The following MAST2 variants were observed in gnomAD, a reference collection of about 807,000 sequenced individuals.
MAST2 encodes microtubule-associated serine/threonine-protein kinase 2.
Under a neutral mutation model 147.4 loss-of-function variants are expected in MAST2, and 70 were observed. That is an observed-to-expected ratio of 0.47 (90% CI 0.39 to 0.58). The LOEUF (loss-of-function observed/expected upper bound fraction) is 0.58. Ranked by LOEUF, MAST2 falls within the 20% of genes least tolerant of loss-of-function variation. MAST2 has a pLI of 0.00. For synonymous variants in MAST2, 869 were observed against 896.8 expected (o/e 0.97, Z 0.55); for missense variants, 2,080 against 2,302.3 (o/e 0.90, Z 1.98).
chr1:45,913,745 T>C, intron 4 of MAST2: 6 of 1,023,144 alleles, frequency 5.9e-6, no homozygotes, highest in Non-Finnish European at 7.1e-6. Context: ...TAATTTCCTT[T>C]GGCTGACAGA....
At chr1:45,938,604 G>A (rs980619778) in intron 4 of MAST2, among the ~76,000 whole-genome samples, 5 of 152,156 alleles carry the variant, frequency 3.3e-5, no homozygotes, top group African/African-American at 9.7e-5. Context: ...CAAGATTACA[G>A]GTGTCAGCCA....
chr1:45,946,053 C>T (rs2148827651), intron 4 of MAST2, among the ~76,000 whole-genome samples: 1 of 152,342 alleles, frequency 6.6e-6, no homozygotes, highest in African/African-American at 2.4e-5. Context: ...TCTCCCTTTC[C>T]TTAATTCTCC....
In MAST2 at chr1:45,955,939, A is replaced by G. The variant is rs148520382; in HGVS notation, c.501-3447A>G. Among the ~76,000 whole-genome samples the G allele has an allele frequency of 9.8e-5, 15 of 152,312 alleles. 1 individual carries two copies. The East Asian group carries it at 2.5e-3, about 25-fold the overall frequency. On this transcript the variant is annotated intron_variant, in intron 4 of 28. Transcript: ENST00000361297. ...GTATGATTGGAATATAATAGATTGT[A>G]TGACTGTGATAATGAACATGAAGAT...
rs550538292 is a variant in MAST2, at chr1:45,822,887, A to G, written c.178-1546A>G. On this transcript the variant is annotated intron_variant, in intron 1 of 28. Coordinates refer to ENST00000361297, the MANE Select transcript of MAST2 (RefSeq NM_015112.3). ...TGCAAATACAAGCTGTTCCCTTGCT[A>G]CCTTCTGTTTTTGCATTAAGTTCTA... Among the ~76,000 whole-genome samples, 8 of 152,204 alleles carry G rather than the reference A, an allele frequency of 5.3e-5. No individual in the cohort carries two copies. In the South Asian group the frequency reaches 1.5e-3, roughly 28 times the overall value.
chr1:45,975,830 T>C (rs1644129466), intron 5 of MAST2, among the ~76,000 whole-genome samples: 1 of 152,076 alleles, frequency 6.6e-6, no homozygotes, highest in Non-Finnish European at 1.5e-5. Context: ...TGGCATGGAC[T>C]CTTTTTTACC....
At chr1:45,881,810 T>C (rs1343634120) in intron 3 of MAST2, among the ~76,000 whole-genome samples, 1 of 151,816 alleles carries the variant, frequency 6.6e-6, no homozygotes, top group African/African-American at 2.4e-5. Context: ...TTGCATGTAT[T>C]CTATGAGACA....
At chr1:45,947,407 T>C (rs539309668) in intron 4 of MAST2, among the ~76,000 whole-genome samples, 50 of 151,990 alleles carry the variant, frequency 3.3e-4, no homozygotes, top group South Asian at 6.3e-4. Context: ...CTGGACTGCA[T>C]GTGGCCTGTG....
intron 2 of MAST2, among the ~76,000 whole-genome samples, chr1:45,827,642 C>CCAT (rs1403319764): frequency 6.8e-6 from 1 of 147,562 alleles, no homozygotes; most frequent in Non-Finnish European, 1.5e-5. Context: ...GAGCAGAACA[C>CCAT]CATCATCATC....
chr1:45,963,497 T>A (rs940154165), intron 5 of MAST2, among the ~76,000 whole-genome samples: 90 of 152,224 alleles, frequency 5.9e-4, no homozygotes, highest in African/African-American at 2.1e-3. Context: ...TAAGTTGGAT[T>A]CCTTGGTATT....
intron 9 of MAST2, among the ~76,000 whole-genome samples, chr1:46,010,074 A>G (rs1162384363): frequency 1.3e-5 from 2 of 152,134 alleles, no homozygotes; most frequent in Non-Finnish European, 2.9e-5. Flanking sequence ...CCAACTCACC[A>G]TCTGTGACCA....
intron 5 of MAST2, among the ~76,000 whole-genome samples, chr1:45,962,540 C>T (rs1466468896): frequency 1.3e-5 from 2 of 152,302 alleles, no homozygotes; most frequent in East Asian, 3.9e-4. Context: ...AGCATTTTTT[C>T]ATGTGTCTGT....
At chr1:45,963,198 G>A (rs1394755635) in intron 5 of MAST2, among the ~76,000 whole-genome samples, 1 of 152,188 alleles carries the variant, frequency 6.6e-6, no homozygotes, top group Non-Finnish European at 1.5e-5. Flanking sequence ...CAGATAGCCT[G>A]ATGCCTCCAG....
Position 46,029,919 on chromosome 1 carries a change from G to A in MAST2, c.2409G>A (p.Gln803=), listed in dbSNP as rs372606717. 4 of 1,614,104 alleles carry A rather than the reference G, an allele frequency of 2.5e-6. No homozygotes were observed. In the African/African-American group the frequency reaches 4.0e-5, roughly 16 times the overall value. The change falls in exon 20 of 29, where the codon CAG becomes CAA. Residue 803 remains glutamine, a synonymous_variant. Transcript: ENST00000361297. ...GCCAGAAGGCTGAATTTATTCCTCAGTTGGAGTCAGAGGATGATACTAGCT... is the reference window on the plus strand; with the variant it reads ...GCCAGAAGGCTGAATTTATTCCTCAATTGGAGTCAGAGGATGATACTAGCT... ...LLRQKAEFIP[Q]LESEDDTSYF... is the part of the protein sequence containing the mutation.
At chr1:46,021,880 G>A (rs2275426) in intron 11 of MAST2, 70 bp from the exon 12 acceptor site, 682,688 of 1,536,424 alleles carry the variant, frequency 0.44, 153,473 homozygotes, top group East Asian at 0.64. Context: ...ACTATATGCT[G>A]TAAAACCAAA....
chr1:45,845,240 CATT>C (rs1645394569), intron 3 of MAST2, among the ~76,000 whole-genome samples: 1 of 152,140 alleles, frequency 6.6e-6, no homozygotes, highest in Non-Finnish European at 1.5e-5. Flanking sequence ...AGGAGAACGG[CATT>C]ATTAAACCAC....
In MAST2 at chr1:46,035,264, G is replaced by A. The variant is rs1013207074; in HGVS notation, c.4595G>A (p.Ser1532Asn). 5.0e-6 allele frequency: 8 copies of A among 1,613,876 alleles called. No individual in the cohort carries two copies. The African/African-American group carries it at 9.3e-5, about 19-fold the overall frequency. ...GCACCTCACCCAGAAGTGAGCCAGA[G>A]TGTGGCCCCTAAAGGAGCAGGAGAG... ...SLAPHPEVSQ[S>N]VAPKGAGESG... The change falls in exon 29 of 29, where the codon AGT becomes AAT. Residue 1532 changes from serine (S) to asparagine (N), a missense_variant. This residue lies in a region of MAST2 where 1,278 missense variants were observed against 1,304.2 expected (regional missense o/e 0.98). Coordinates refer to ENST00000361297, the MANE Select transcript of MAST2 (RefSeq NM_015112.3). This position sits in a 1 kb window ranked among gnomAD's most constrained non-coding sequence, Gnocchi z 5.5.
rs973882711 is a variant in MAST2, at chr1:46,023,005, G to T, written c.1485+34G>T. 5.7e-6 allele frequency: 9 copies of T among 1,590,264 alleles called. No individual in the cohort carries two copies. Among genetic ancestry groups the T allele is most frequent in the Middle Eastern group, 1.7e-4 (1 of 6,004 alleles). ...CCTGAGCTCCTACCCCATTCCTGGA[G>T]CCTGGGCCCTATGAAGCAAAGAGCT... On this transcript the variant is annotated intron_variant, in intron 13 of 28. Coordinates refer to ENST00000361297, the MANE Select transcript of MAST2 (RefSeq NM_015112.3). The surrounding 1 kb of genome is among the most constrained non-coding windows in gnomAD (Gnocchi z 4.9).
rs758926670 is a variant in MAST2 at position 46,035,430 on chromosome 1, A to G, written c.4761A>G (p.Gln1587=). The change falls in exon 29 of 29, where the codon CAA becomes CAG. Residue 1587 remains glutamine (Q), a synonymous_variant. Coordinates refer to ENST00000361297, the MANE Select transcript of MAST2 (RefSeq NM_015112.3). The surrounding 1 kb of genome is among the most constrained non-coding windows in gnomAD (Gnocchi z 5.5). Reference sequence around the variant, plus strand: ...CCCACAGGAGGCTCGGGAGCCCACAAGCCATTGAGGAGGCTGCCAGCTCCT... The same window carrying G: ...CCCACAGGAGGCTCGGGAGCCCACAGGCCATTGAGGAGGCTGCCAGCTCCT... The part of the protein sequence containing the change: ...SGPHRRLGSP[Q]AIEEAASSSS... 3.7e-6 allele frequency: 6 copies of G among 1,612,898 alleles called. No homozygotes were observed. The Admixed American group carries it at 1.0e-4, about 27-fold the overall frequency.
intron 4 of MAST2, among the ~76,000 whole-genome samples, chr1:45,921,338 G>T (rs1653444015): frequency 6.6e-6 from 1 of 152,066 alleles, no homozygotes; most frequent in African/African-American, 2.4e-5. Flanking sequence ...CGGGATCCTG[G>T]GAGGTGTTGC....
Sources: gnomAD v4.1 joint callset for allele counts (sites outside exome capture counted in the v4.1 genomes callset) on GRCh38, gnomAD v4.1.1 for gene constraint, gnomAD v4.1.1 regional missense constraint, Gnocchi (gnomAD v3.1) non-coding constraint, MANE v1.5 for transcripts, NCBI Gene and HGNC (gene_info 2026-07-23, HGNC 2026-07-21) for gene names.